GCSAML: variants seen among roughly 807,000 people sequenced by gnomAD.
The protein encoded by GCSAML is germinal center associated signaling and motility like.
Under a neutral mutation model 13.0 loss-of-function variants are expected in GCSAML, and 9 were observed. The observed-to-expected ratio is 0.69, with a 90% CI of 0.42 to 1.21. The LOEUF (loss-of-function observed/expected upper bound fraction) is 1.21. Ranked by LOEUF, GCSAML falls within the 50% of genes most tolerant of loss-of-function variation. The pLI is 0.00. For missense variants in GCSAML, 143 were observed against 153.4 expected, an observed-to-expected ratio of 0.93 and a Z score of 0.36; for synonymous variants, 37 against 52.9, an observed-to-expected ratio of 0.70 and a Z score of 1.31.
chr1:247,523,395 C>G (rs902900509), intron 1 of GCSAML, among the ~76,000 whole-genome samples: 3 of 152,164 alleles, frequency 2.0e-5, no homozygotes, highest in Non-Finnish European at 4.4e-5. Context: ...TCTGCAGAAA[C>G]CTTTCAAGAC....
intron 2 of GCSAML, among the ~76,000 whole-genome samples, chr1:247,532,879 G>A (rs200888502): frequency 6.9e-6 from 1 of 144,766 alleles, no homozygotes; most frequent in Non-Finnish European, 1.5e-5. Flanking sequence ...CTGGGTGGGG[G>A]GTGTTCACTG....
Position 247,574,718 on chromosome 1 carries a change from T to C in GCSAML, c.*336T>C, listed in dbSNP as rs985941855. ...CTGACTAACTGAATGGACCCTCTTCTAGGCCAAAGAGACCTCAGATGAACC... is the reference window on the plus strand; with the variant it reads ...CTGACTAACTGAATGGACCCTCTTCCAGGCCAAAGAGACCTCAGATGAACC... On this transcript the variant is annotated 3_prime_UTR_variant, in exon 5 of 5. Transcript: ENST00000366488. 4.0e-6 allele frequency: 1 copy of C among 252,690 alleles called. No individual in the cohort carries two copies. The highest frequency in any genetic ancestry group is 7.6e-6 in the Non-Finnish European group (1 of 130,808). The allele number at this position is 252,690 out of a possible 1,614,324, so 15.7% of individuals were successfully genotyped here. A position where few individuals can be genotyped will look rare whatever the true frequency, so the allele number is the denominator to read the frequency against.
chr1:247,525,447 T>C (rs995327838), intron 1 of GCSAML: 1 of 152,230 alleles, frequency 6.6e-6, no homozygotes, highest in African/African-American at 2.4e-5. Context: ...ACAGCCCCCT[T>C]CTTGGGTTCA....
intron 2 of GCSAML, among the ~76,000 whole-genome samples, 170 bp downstream of exon 2, chr1:247,556,636 T>C (rs1047406303): frequency 2.0e-5 from 3 of 152,320 alleles, no homozygotes; most frequent in Middle Eastern, 3.4e-3. Flanking sequence ...ATTGACTCTG[T>C]CTAAATAAGA....
chr1:247,547,452 A>G (rs1356962248), upstream of GCSAML, among the ~76,000 whole-genome samples: 1 of 152,252 alleles, frequency 6.6e-6, no homozygotes, highest in Non-Finnish European at 1.5e-5. Context: ...TCGTGTTACC[A>G]CATTTCTGTC....
At chr1:247,564,502 C>T (rs1668265987) in intron 3 of GCSAML, among the ~76,000 whole-genome samples, 1 of 151,768 alleles carries the variant, frequency 6.6e-6, no homozygotes, top group Non-Finnish European at 1.5e-5. Flanking sequence ...GACAAGTATA[C>T]CTAAAGGAAA....
chr1:247,549,332 G>A (rs1667690421), intron 1 of GCSAML, 112 bp downstream of exon 1: 2 of 904,612 alleles, frequency 2.2e-6, no homozygotes, highest in African/African-American at 3.3e-5. Flanking sequence ...AGAAGGTTAA[G>A]CCTGAAGACA....
At chr1:247,516,206 C>T (rs879510968) in intron 1 of GCSAML, among the ~76,000 whole-genome samples, 1 of 152,182 alleles carries the variant, frequency 6.6e-6, no homozygotes, top group Non-Finnish European at 1.5e-5. Flanking sequence ...TCTGAAAACA[C>T]ATATGGGAAC....
intron 1 of GCSAML, among the ~76,000 whole-genome samples, chr1:247,516,129 G>A (rs1208346457): frequency 6.6e-6 from 1 of 152,054 alleles, no homozygotes; most frequent in African/African-American, 2.4e-5. Context: ...CAAGAACAGG[G>A]GTGTTTTGCC....
chr1:247,561,912 G>T (rs185989931), intron 2 of GCSAML, among the ~76,000 whole-genome samples: 1 of 152,238 alleles, frequency 6.6e-6, no homozygotes, highest in African/African-American at 2.4e-5. Context: ...CATCCACACG[G>T]AGGGTTGCAG....
chr1:247,562,825 A>AT (rs3838410), intron 2 of GCSAML, among the ~76,000 whole-genome samples: 6 of 149,740 alleles, frequency 4.0e-5, no homozygotes, highest in African/African-American at 7.4e-5. Flanking sequence ...GCCCACACTT[A>AT]TTTTTTTTTT....
At chr1:247,549,110 C>T (rs773806156), upstream of GCSAML, 49 of 1,613,490 alleles carry the variant, frequency 3.0e-5, no homozygotes, top group Non-Finnish European at 4.1e-5. Flanking sequence ...CTGCCTCATG[C>T]ATTTTCCTCT....
intron 1 of GCSAML, chr1:247,524,862 TA>T (rs1666613454): frequency 2.0e-5 from 3 of 152,040 alleles, no homozygotes; most frequent in Admixed American, 1.3e-4. Flanking sequence ...AGCAAAAAGG[TA>T]AAACAATGAA....
intron 1 of GCSAML, among the ~76,000 whole-genome samples, chr1:247,549,704 G>A (rs993683517): frequency 2.0e-5 from 3 of 152,174 alleles, no homozygotes; most frequent in Admixed American, 6.5e-5. Flanking sequence ...GTTGGTATGA[G>A]AATGAACAGT....
At chr1:247,552,575 C>G (rs1027144979) in intron 1 of GCSAML, among the ~76,000 whole-genome samples, 22 of 152,226 alleles carry the variant, frequency 1.4e-4, no homozygotes, top group Admixed American at 1.4e-3. Flanking sequence ...ATCACATACC[C>G]TCTTTAGTCT....
intron 3 of GCSAML, among the ~76,000 whole-genome samples, chr1:247,564,038 A>G (rs1270659738): frequency 6.6e-6 from 1 of 151,694 alleles, no homozygotes; most frequent in Non-Finnish European, 1.5e-5. Context: ...GGTTCAAGTG[A>G]TTTTCCTGCC....
chr1:247,541,184 T>A (rs200948622), intron 2 of GCSAML, among the ~76,000 whole-genome samples: 1 of 64,126 alleles, frequency 1.6e-5, no homozygotes, highest in Non-Finnish European at 3.1e-5. Context: ...GCTTTTTCAA[T>A]TTTTTTTTTC....
upstream of GCSAML, among the ~76,000 whole-genome samples, chr1:247,545,705 T>C (rs1358851812): frequency 6.6e-6 from 1 of 152,252 alleles, no homozygotes; most frequent in Admixed American, 6.5e-5. Context: ...TCAGTACCTT[T>C]GCCCATTTTC....
intron 1 of GCSAML, among the ~76,000 whole-genome samples, chr1:247,523,231 G>C (rs1666522908): frequency 6.6e-6 from 1 of 152,110 alleles, no homozygotes; most frequent in African/African-American, 2.4e-5. Flanking sequence ...TAATAATCAA[G>C]TAATAATCAA....
Sources: allele counts gnomAD v4.1 joint callset (sites outside exome capture counted in the v4.1 genomes callset), GRCh38; gene constraint gnomAD v4.1.1; transcripts MANE v1.5; gene names NCBI Gene and HGNC (gene_info 2026-07-23, HGNC 2026-07-21).